Variants in ITPR2 observed in about 807,000 individuals in gnomAD.
ITPR2 encodes the protein inositol 1,4,5-trisphosphate receptor type 2, also known as inositol 1,4,5-trisphosphate-gated calcium channel ITPR2.
Under a neutral mutation model 317.1 loss-of-function variants are expected in ITPR2, and 207 were observed. That is an observed-to-expected ratio of 0.65 (90% CI 0.58 to 0.73). The LOEUF is 0.73. Among genes scored for constraint, ITPR2 ranks in the 30% least tolerant of loss-of-function variants. ITPR2 has a pLI of 0.00. For missense variants in ITPR2, 2,613 were observed against 3,284.0 expected, an observed-to-expected ratio of 0.80 and a Z score of 4.99; for synonymous variants, 1,156 against 1,149.1, an observed-to-expected ratio of 1.01 and a Z score of -0.12.
chr12:26,616,384 A>T (rs938685334), intron 26 of ITPR2, among the ~76,000 whole-genome samples: 7 of 151,848 alleles, frequency 4.6e-5, no homozygotes, highest in Non-Finnish European at 8.8e-5. Flanking sequence ...TGATCCACCC[A>T]CCTCAGCCTC....
At chr12:26,381,759 T>G in intron 55 of ITPR2, among the ~76,000 whole-genome samples, 1 of 152,096 alleles carries the variant, frequency 6.6e-6, no homozygotes, top group East Asian at 1.9e-4. Flanking sequence ...CCCATGGCCA[T>G]GACATGGGGA....
chr12:26,482,809 G>C (rs745419050), intron 42 of ITPR2, among the ~76,000 whole-genome samples: 1 of 152,138 alleles, frequency 6.6e-6, no homozygotes, highest in Non-Finnish European at 1.5e-5. Context: ...GTATGTGTGC[G>C]TATCTCATGT....
intron 37 of ITPR2, among the ~76,000 whole-genome samples, chr12:26,517,038 T>C (rs549983609): frequency 1.9e-4 from 29 of 152,098 alleles, no homozygotes; most frequent in Admixed American, 1.1e-3. Flanking sequence ...GAGTATAACA[T>C]TGATGACAAG....
chr12:26,649,840 G>C (rs1947205162), intron 21 of ITPR2, among the ~76,000 whole-genome samples: 1 of 152,098 alleles, frequency 6.6e-6, no homozygotes, highest in African/African-American at 2.4e-5. Flanking sequence ...CAGACAGATA[G>C]ATAACCTGGC....
intron 51 of ITPR2, among the ~76,000 whole-genome samples, chr12:26,414,640 T>TA (rs1307226611): frequency 1.3e-5 from 2 of 151,782 alleles, no homozygotes; most frequent in East Asian, 1.9e-4. Flanking sequence ...GCTTAATAAA[T>TA]AAAAAAATCA....
At chr12:26,437,895 G>A (rs576255429) in intron 47 of ITPR2, among the ~76,000 whole-genome samples, 24 of 152,194 alleles carry the variant, frequency 1.6e-4, no homozygotes, top group African/African-American at 4.6e-4. Flanking sequence ...TCTGCCTCCT[G>A]GGTTCAAGTG....
intron 34 of ITPR2, among the ~76,000 whole-genome samples, chr12:26,571,364 G>A (rs1435418084): frequency 6.6e-6 from 1 of 152,162 alleles, no homozygotes; most frequent in African/African-American, 2.4e-5. Flanking sequence ...CAAACTTCTG[G>A]AGCAATCAAG....
At chr12:26,627,533 C>G in intron 23 of ITPR2, 1 of 152,708 alleles carries the variant, frequency 6.5e-6, no homozygotes, top group East Asian at 1.9e-4. Flanking sequence ...CAAACGACAG[C>G]AAACACCCTC....
At chr12:26,692,323 G>A (rs1218166278) in intron 10 of ITPR2, among the ~76,000 whole-genome samples, 4 of 152,308 alleles carry the variant, frequency 2.6e-5, no homozygotes, top group Non-Finnish European at 5.9e-5. Flanking sequence ...GGCACCTGGT[G>A]AGTAGAGGGT....
intron 2 of ITPR2, 27 bp from the exon 3 acceptor site, chr12:26,725,792 C>T (rs1447647347): frequency 1.4e-6 from 2 of 1,428,206 alleles, no homozygotes; most frequent in Admixed American, 1.7e-5. Context: ...TACAAAAACA[C>T]TGTAACTAAG....
chr12:26,378,093 G>C (rs1939398061), intron 55 of ITPR2, among the ~76,000 whole-genome samples: 1 of 151,784 alleles, frequency 6.6e-6, no homozygotes. Context: ...TTAGGTGCTG[G>C]GAATACAGAA....
At chr12:26,606,262 T>C (rs993381611) in intron 26 of ITPR2, among the ~76,000 whole-genome samples, 16 of 151,748 alleles carry the variant, frequency 1.1e-4, no homozygotes, top group East Asian at 3.9e-4. Flanking sequence ...CTTTTGACAA[T>C]AGTGATGAAA....
chr12:26,604,892 G>A (rs1208026833), intron 26 of ITPR2, among the ~76,000 whole-genome samples: 3 of 151,912 alleles, frequency 2.0e-5, no homozygotes, highest in Non-Finnish European at 2.9e-5. Context: ...TCAGGAGTTC[G>A]AGACCAGTCT....
chr12:26,792,384 A>G (rs1385454182), intron 1 of ITPR2, among the ~76,000 whole-genome samples: 1 of 151,514 alleles, frequency 6.6e-6, no homozygotes, highest in Non-Finnish European at 1.5e-5. Flanking sequence ...TTTAATGGTA[A>G]TTGGAATCCT....
chr12:26,826,628 G>T (rs76570157), intron 1 of ITPR2, among the ~76,000 whole-genome samples: 10 of 152,102 alleles, frequency 6.6e-5, no homozygotes, highest in African/African-American at 2.4e-4. Flanking sequence ...TGAAGTCAGC[G>T]CATCAATTGG....
intron 13 of ITPR2, among the ~76,000 whole-genome samples, chr12:26,668,616 A>G (rs1316247000): frequency 1.3e-5 from 2 of 152,250 alleles, no homozygotes; most frequent in African/African-American, 4.8e-5. Context: ...GAAAGCTGAC[A>G]TTGAGGAAGA....
chr12:26,490,569 T>C (rs1400746632), intron 39 of ITPR2, among the ~76,000 whole-genome samples: 3 of 152,164 alleles, frequency 2.0e-5, no homozygotes, highest in African/African-American at 7.2e-5. Context: ...TCCCAGCACT[T>C]TGGGAGGCCG....
chr12:26,733,095 G>C (rs1008875644), intron 2 of ITPR2, among the ~76,000 whole-genome samples: 4 of 151,424 alleles, frequency 2.6e-5, no homozygotes, highest in Non-Finnish European at 1.5e-5. Context: ...ACTTTGGGAG[G>C]CTGGGGTCAG....
intron 55 of ITPR2, among the ~76,000 whole-genome samples, chr12:26,342,496 GT>G (rs57765628): frequency 0.098 from 898 of 9,210 alleles, 103 homozygotes; most frequent in South Asian, 0.17. Context: ...GGTCACGGCG[GT>G]GGGGGGGGGG....
Sources: allele counts gnomAD v4.1 joint callset (sites outside exome capture counted in the v4.1 genomes callset), GRCh38; gene constraint gnomAD v4.1.1; transcripts MANE v1.5; gene names NCBI Gene and HGNC (gene_info 2026-07-23, HGNC 2026-07-21).